SLC39A9: variants seen among roughly 807,000 people sequenced by gnomAD.
The protein encoded by SLC39A9 is solute carrier family 39 member 9.
SLC39A9 carries 14 observed loss-of-function variants against 28.4 expected under a neutral mutation model. That is an observed-to-expected ratio of 0.49 (90% CI 0.33 to 0.77). SLC39A9 has a LOEUF of 0.77. SLC39A9 is among the 30% of genes least tolerant of loss of function. SLC39A9 has a pLI of 0.02. For missense variants in SLC39A9, 283 were observed against 381.1 expected, an observed-to-expected ratio of 0.74 and a Z score of 2.14; for synonymous variants, 119 against 149.6, an observed-to-expected ratio of 0.80 and a Z score of 1.49.
chr14:69,409,285 G>C (rs1594902486), intron 1 of SLC39A9, among the ~76,000 whole-genome samples: 3 of 152,140 alleles, frequency 2.0e-5, no homozygotes, highest in Admixed American at 1.3e-4. Context: ...TTTATAACCT[G>C]GTAGTATATC....
chr14:69,440,506 G>T (rs1198424620), intron 2 of SLC39A9, among the ~76,000 whole-genome samples: 1 of 152,100 alleles, frequency 6.6e-6, no homozygotes, highest in Non-Finnish European at 1.5e-5. Context: ...GATGACTTCA[G>T]TCCAGGAAAT....
At chr14:69,406,810 A>T (rs911764202) in intron 1 of SLC39A9, among the ~76,000 whole-genome samples, 2 of 151,880 alleles carry the variant, frequency 1.3e-5, no homozygotes, top group African/African-American at 4.8e-5. Context: ...TTATTGAAAT[A>T]AAATGGAAAT....
At position 69,461,735 on chromosome 14, in the gene SLC39A9, T is replaced by G; in HGVS notation, c.*3142T>G. The G allele has an allele frequency of 6.5e-7, 1 of 1,535,788 alleles. No individual in the cohort carries two copies. The highest frequency in any genetic ancestry group is 8.7e-7 in the Non-Finnish European group (1 of 1,146,746). On this transcript the variant is annotated 3_prime_UTR_variant, in exon 7 of 7. Coordinates refer to ENST00000336643, the MANE Select transcript of SLC39A9 (RefSeq NM_018375.5). ...AGGACACACCAGCATCGGAGTGTATTAAGCCCCTGAAACACATGGTAGCTA... is the reference window on the plus strand; with the variant it reads ...AGGACACACCAGCATCGGAGTGTATGAAGCCCCTGAAACACATGGTAGCTA...
At chr14:69,425,000 C>G (rs1415504311) in intron 2 of SLC39A9, among the ~76,000 whole-genome samples, 1 of 152,100 alleles carries the variant, frequency 6.6e-6, no homozygotes, top group Admixed American at 6.5e-5. Flanking sequence ...TGTCCTTTAT[C>G]CAGAATGGTG....
chr14:69,409,998 A>G (rs1883179115), intron 1 of SLC39A9, among the ~76,000 whole-genome samples: 1 of 151,818 alleles, frequency 6.6e-6, no homozygotes, highest in Non-Finnish European at 1.5e-5. Context: ...GTTCAGTTGA[A>G]CTCTTATGTA....
intron 1 of SLC39A9, among the ~76,000 whole-genome samples, chr14:69,421,995 C>G (rs1883925895): frequency 6.6e-6 from 1 of 152,152 alleles, no homozygotes; most frequent in South Asian, 2.1e-4. Context: ...CTTCAGCTCA[C>G]CCTCCCTGGG....
intron 3 of SLC39A9, among the ~76,000 whole-genome samples, chr14:69,444,770 G>A (rs181662201): frequency 3.0e-3 from 458 of 152,248 alleles, no homozygotes; most frequent in African/African-American, 0.01. Context: ...ATGAACTATG[G>A]TATGTACACA....
intron 2 of SLC39A9, among the ~76,000 whole-genome samples, chr14:69,434,684 A>G (rs1051507100): frequency 1.3e-5 from 2 of 152,140 alleles, no homozygotes; most frequent in East Asian, 1.9e-4. Flanking sequence ...AAAAAAGAAA[A>G]AAGAATTTAA....
At chr14:69,447,693 C>T (rs972909615) in intron 3 of SLC39A9, among the ~76,000 whole-genome samples, 2 of 152,076 alleles carry the variant, frequency 1.3e-5, no homozygotes, top group Admixed American at 6.5e-5. Context: ...GGGTGGATGG[C>T]TTGAGCCCAG....
chr14:69,402,913 C>G (rs192851851), intron 1 of SLC39A9, among the ~76,000 whole-genome samples: 2 of 152,006 alleles, frequency 1.3e-5, no homozygotes, highest in Non-Finnish European at 2.9e-5. Context: ...GAAACCCCAT[C>G]TCTACTAAAA....
intron 1 of SLC39A9, among the ~76,000 whole-genome samples, chr14:69,423,719 G>C (rs889425432): frequency 1.3e-5 from 2 of 152,074 alleles, no homozygotes; most frequent in African/African-American, 4.8e-5. Flanking sequence ...GCAACATGGT[G>C]AAACCCCGTC....
rs759854052 is a variant in SLC39A9, at chr14:69,458,950, G to A, written c.*357G>A. ...GAAATAGTGATTATGAAAATACAGTGTTCTGTAATTAAGCTATGTCTCTTT... is the reference window on the plus strand; with the variant it reads ...GAAATAGTGATTATGAAAATACAGTATTCTGTAATTAAGCTATGTCTCTTT... On this transcript the variant is annotated 3_prime_UTR_variant, in exon 7 of 7. Coordinates refer to ENST00000336643, the MANE Select transcript of SLC39A9 (RefSeq NM_018375.5). 9.9e-7 allele frequency: 1 copy of A among 1,015,072 alleles called. No homozygotes were observed. The highest frequency in any genetic ancestry group is 1.2e-6 in the Non-Finnish European group (1 of 848,152). 62.9% of individuals were successfully genotyped at this position (1,015,072 alleles called of 1,614,324 possible).
chr14:69,421,464 C>G (rs113137094), intron 1 of SLC39A9, among the ~76,000 whole-genome samples: 3,228 of 152,286 alleles, frequency 0.021, 52 homozygotes, highest in Middle Eastern at 0.065. Flanking sequence ...AGTCAGAGAC[C>G]CACTTGAGGA....
chr14:69,399,309 A>G lies in SLC39A9; in HGVS notation c.-61A>G, dbSNP rs1594892972. On this transcript the variant is annotated 5_prime_UTR_variant, in exon 1 of 7. Coordinates refer to ENST00000336643, the MANE Select transcript of SLC39A9 (RefSeq NM_018375.5). Reference sequence around the variant, plus strand: ...CCACACCTGTTTAAAGAACCTAAGCACCATTTAAAGCCACTGGAAATTTGT... The same window carrying G: ...CCACACCTGTTTAAAGAACCTAAGCGCCATTTAAAGCCACTGGAAATTTGT... The G allele has an allele frequency of 2.8e-6, 4 of 1,452,790 alleles. No homozygotes were observed. The South Asian group carries it at 3.5e-5, about 13-fold the overall frequency. 90.0% of individuals were successfully genotyped at this position (1,452,790 alleles called of 1,614,324 possible). A position where few individuals can be genotyped will look rare whatever the true frequency, so the allele number is the denominator to read the frequency against.
rs535634567 is a variant in SLC39A9 at position 69,461,229 on chromosome 14, C to T, written c.*2636C>T. ...AGTTAATCTTAATTGCAATTTGACT[C>T]CGTTTCCTTGGTAGGGATAGACTTT... On this transcript the variant is annotated 3_prime_UTR_variant, in exon 7 of 7. Coordinates refer to ENST00000336643, the MANE Select transcript of SLC39A9 (RefSeq NM_018375.5). 5.1e-6 allele frequency: 5 copies of T among 987,236 alleles called. No individual in the cohort carries two copies. The highest frequency in any genetic ancestry group is 3.5e-5 in the African/African-American group (2 of 57,238). The allele number at this position is 987,236 out of a possible 1,614,324, so 61.2% of individuals were successfully genotyped here.
chr14:69,412,557 G>T (rs925982148), intron 1 of SLC39A9, among the ~76,000 whole-genome samples: 12 of 152,100 alleles, frequency 7.9e-5, no homozygotes, highest in Non-Finnish European at 1.3e-4. Context: ...TTCTAAAGAG[G>T]TTCCGCTACA....
chr14:69,421,896 A>G (rs565889418), intron 1 of SLC39A9, among the ~76,000 whole-genome samples: 3 of 152,336 alleles, frequency 2.0e-5, no homozygotes, highest in East Asian at 3.9e-4. Context: ...CCGATTTTCC[A>G]GGTACAGTCT....
chr14:69,409,481 G>T (rs1210335374), intron 1 of SLC39A9, among the ~76,000 whole-genome samples: 1 of 152,018 alleles, frequency 6.6e-6, no homozygotes, highest in African/African-American at 2.4e-5. Context: ...TGGGACTCAG[G>T]CATGTGCCAC....
Position 69,460,374 on chromosome 14 carries a change from A to G in SLC39A9, c.*1781A>G. The G allele has an allele frequency of 1.0e-6, 1 of 985,498 alleles. No homozygotes were observed. The highest frequency in any genetic ancestry group is 1.2e-6 in the Non-Finnish European group (1 of 829,940). 61.0% of individuals were successfully genotyped at this position (985,498 alleles called of 1,614,324 possible). ...GTATGTAGTCATTGGCAACAATTGC[A>G]TACAATTTTACTACCAAGAGAAGGT... On this transcript the variant is annotated 3_prime_UTR_variant, in exon 7 of 7. Transcript: ENST00000336643.
Sources: allele counts gnomAD v4.1 joint callset (sites outside exome capture counted in the v4.1 genomes callset), GRCh38; gene constraint gnomAD v4.1.1; transcripts MANE v1.5; gene names NCBI Gene and HGNC (gene_info 2026-07-23, HGNC 2026-07-21).